The following MGAT4C variants were observed in gnomAD, a reference collection of about 807,000 sequenced individuals.
MGAT4C encodes MGAT4 family member C.
In MGAT4C, 19 loss-of-function variants were observed where a neutral mutation model predicts 40.1. The ratio of observed to expected loss-of-function variants is 0.47; its 90% CI spans 0.33 to 0.70. The LOEUF is 0.70. Ranked by LOEUF, MGAT4C falls within the 30% of genes least tolerant of loss-of-function variation. MGAT4C has a pLI of 0.02. For missense variants in MGAT4C, 491 were observed against 563.2 expected (o/e 0.87, Z 1.30); for synonymous variants, 181 against 187.1 (o/e 0.97, Z 0.27).
chr12:86,640,905 G>A (rs1166689244), intron 2 of MGAT4C, among the ~76,000 whole-genome samples: 2 of 151,878 alleles, frequency 1.3e-5, no homozygotes, highest in East Asian at 1.9e-4. Context: ...CCATGTAGTT[G>A]AGCGGTTTTG....
intron 4 of MGAT4C, among the ~76,000 whole-genome samples, chr12:86,302,164 G>T (rs1953828426): frequency 6.6e-6 from 1 of 150,816 alleles, no homozygotes; most frequent in East Asian, 1.9e-4. Context: ...AAGCACACAA[G>T]AATTCAAACT....
intron 2 of MGAT4C, among the ~76,000 whole-genome samples, chr12:86,676,289 G>GC (rs1646877798): frequency 6.6e-6 from 1 of 152,124 alleles, no homozygotes; most frequent in African/African-American, 2.4e-5. Flanking sequence ...CAATATGAGT[G>GC]CCCTGTAGAG....
At position 86,738,828 on chromosome 12, in the gene MGAT4C, C is replaced by G. The variant is rs1327236894; in HGVS notation, c.-261-11587G>C. ...ATTTCCAACCTTGCCACAAAATTAG[C>G]TGGTCCTGTGAATCTCTAAAACTGA... On this transcript the variant is annotated intron_variant, in intron 1 of 7. Coordinates refer to the MGAT4C transcript ENST00000548651. 4.0e-5 allele frequency among the ~76,000 whole-genome samples: 6 copies of G among 151,050 alleles called. No individual in the cohort carries two copies. The Admixed American group carries it at 4.0e-4, about 10-fold the overall frequency.
intron 1 of MGAT4C, among the ~76,000 whole-genome samples, chr12:86,733,912 C>T (rs771183568): frequency 1.3e-5 from 2 of 152,052 alleles, no homozygotes; most frequent in South Asian, 2.1e-4. Flanking sequence ...TAAAATAAAG[C>T]GAATTACATA....
At chr12:86,643,944 A>C (rs1053273858) in intron 2 of MGAT4C, among the ~76,000 whole-genome samples, 1 of 151,776 alleles carries the variant, frequency 6.6e-6, no homozygotes, top group Admixed American at 6.6e-5. Context: ...AATTAATCTC[A>C]ATAAGAATAA....
Position 86,228,827 on chromosome 12 carries a change from G to T in MGAT4C, c.-57+27412C>A, listed in dbSNP as rs146580877. On this transcript the variant is annotated intron_variant, in intron 1 of 4. Coordinates refer to ENST00000611864, the MANE Select transcript of MGAT4C (RefSeq NM_001351288.2). ...AGCTAGGAGAATTAATTCTTGTTAA[G>T]ATCAGCAAAGTGAAACTAAACAAAT... Among the ~76,000 whole-genome samples, 16 of 151,974 alleles carry T rather than the reference G, an allele frequency of 1.1e-4. 2 individuals are homozygous for T. Among genetic ancestry groups the T allele is most frequent in the Admixed American group, 1.0e-3 (16 of 15,264 alleles).
At chr12:86,551,979 T>A (rs1959384843) in intron 2 of MGAT4C, among the ~76,000 whole-genome samples, 1 of 132,982 alleles carries the variant, frequency 7.5e-6, no homozygotes, top group African/African-American at 2.9e-5. Context: ...TTGGAAGAGG[T>A]AACTGTTTTA....
chr12:86,678,789 A>G (rs1593106848), intron 2 of MGAT4C, among the ~76,000 whole-genome samples: 1 of 152,008 alleles, frequency 6.6e-6, no homozygotes, highest in Admixed American at 6.6e-5. Flanking sequence ...ATAGTATTCC[A>G]TGGTGTATAT....
chr12:85,991,929 A>C (rs540345060), intron 2 of MGAT4C, among the ~76,000 whole-genome samples: 1 of 152,312 alleles, frequency 6.6e-6, no homozygotes, highest in East Asian at 1.9e-4. Flanking sequence ...TGATGACAAT[A>C]TGGCAGGGGT....
At chr12:86,751,524 A>G (rs1951231337) in intron 1 of MGAT4C, among the ~76,000 whole-genome samples, 1 of 152,022 alleles carries the variant, frequency 6.6e-6, no homozygotes, top group Non-Finnish European at 1.5e-5. Flanking sequence ...CCCTGCACTC[A>G]GCTAAGTAAT....
chr12:86,660,005 C>G (rs528251886), intron 2 of MGAT4C, among the ~76,000 whole-genome samples: 2 of 151,388 alleles, frequency 1.3e-5, no homozygotes, highest in South Asian at 4.2e-4. Context: ...CAGTGTCTGT[C>G]CAGCACCCTC....
At chr12:86,487,455 A>G (rs1179140625) in intron 2 of MGAT4C, among the ~76,000 whole-genome samples, 1 of 152,126 alleles carries the variant, frequency 6.6e-6, no homozygotes, top group African/African-American at 2.4e-5. Flanking sequence ...TAAGTTTTGG[A>G]GTGGCTATTG....
intron 1 of MGAT4C, among the ~76,000 whole-genome samples, chr12:86,777,612 A>C (rs1951768058): frequency 6.6e-6 from 1 of 152,168 alleles, no homozygotes; most frequent in Non-Finnish European, 1.5e-5. Flanking sequence ...CTCTTATTCA[A>C]GGGTGTTAGT....
intron 1 of MGAT4C, among the ~76,000 whole-genome samples, chr12:86,768,463 A>G (rs1311086746): frequency 2.0e-5 from 3 of 152,116 alleles, no homozygotes; most frequent in South Asian, 2.1e-4. Flanking sequence ...TACAGATTCA[A>G]TGCCATCCCC....
chr12:86,469,178 ATATAT>A (rs1957723453), intron 2 of MGAT4C, among the ~76,000 whole-genome samples: 1 of 152,112 alleles, frequency 6.6e-6, no homozygotes, highest in African/African-American at 2.4e-5. Flanking sequence ...ATATTTTTAA[ATATAT>A]TATATCAGTT....
At chr12:86,613,349 C>T (rs1421136788) in intron 2 of MGAT4C, among the ~76,000 whole-genome samples, 4 of 152,066 alleles carry the variant, frequency 2.6e-5, no homozygotes, top group Admixed American at 6.6e-5. Flanking sequence ...ATTCAAAATA[C>T]CTGCTTTTAT....
rs530185844 is a variant in MGAT4C at position 85,964,195 on chromosome 12, A to T, written c.*15094T>A. On this transcript the variant is annotated 3_prime_UTR_variant, in exon 5 of 5. Coordinates refer to ENST00000611864, the MANE Select transcript of MGAT4C (RefSeq NM_001351288.2). ...TAGATTATGTTATAAAGACACTATG[A>T]AGAGATACTAAATGATATTCTTTTC... The T allele has an allele frequency of 2.0e-5, 3 of 152,242 alleles. No homozygotes were observed. In the South Asian group the frequency reaches 6.2e-4, roughly 32 times the overall value. 9.4% of individuals were successfully genotyped at this position (152,242 alleles called of 1,614,324 possible). A position where few individuals can be genotyped will look rare whatever the true frequency, so the allele number is the denominator to read the frequency against.
intron 3 of MGAT4C, among the ~76,000 whole-genome samples, chr12:86,405,627 G>A (rs1249985800): frequency 6.6e-6 from 1 of 151,668 alleles, no homozygotes; most frequent in Admixed American, 6.6e-5. Flanking sequence ...AATTCATACA[G>A]TGAGACAAAT....
chr12:86,032,492 A>C (rs1233571147), intron 2 of MGAT4C, among the ~76,000 whole-genome samples: 1 of 149,544 alleles, frequency 6.7e-6, no homozygotes, highest in East Asian at 1.9e-4. Flanking sequence ...TGTGAGGTTG[A>C]TTTGCATTTC....
Sources: gnomAD v4.1 joint callset for allele counts (sites outside exome capture counted in the v4.1 genomes callset) on GRCh38, gnomAD v4.1.1 for gene constraint, MANE v1.5 for transcripts, NCBI Gene and HGNC (gene_info 2026-07-23, HGNC 2026-07-21) for gene names.